FANCA: variants seen among roughly 807,000 people sequenced by gnomAD.
FANCA encodes the protein FA complementation group A.
A neutral mutation model predicts 194.3 loss-of-function variants in FANCA; 236 were observed. That is an observed-to-expected ratio of 1.21 (90% CI 1.09 to 1.35). The LOEUF (loss-of-function observed/expected upper bound fraction) is 1.35, where lower values mean the gene tolerates loss of function less well. Ranked by LOEUF, FANCA falls within the 40% of genes most tolerant of loss-of-function variation. FANCA has a pLI of 0.00. For synonymous variants in FANCA, 1,014 were observed against 715.8 expected (o/e 1.42, Z -6.65); for missense variants, 2,628 against 1,813.9 (o/e 1.45, Z -8.15).
At chr16:89,781,332 C>A (rs2039694011) in intron 17 of FANCA, among the ~76,000 whole-genome samples, 1 of 138,806 alleles carries the variant, frequency 7.2e-6, no homozygotes, top group South Asian at 2.3e-4. Flanking sequence ...CCACTGCACT[C>A]CAGCCTGGGC....
intron 35 of FANCA, among the ~76,000 whole-genome samples, chr16:89,746,041 G>C (rs1483028790): frequency 2.6e-5 from 4 of 152,162 alleles, no homozygotes; most frequent in African/African-American, 9.6e-5. Context: ...GACAGCTGTG[G>C]TCTTCAGGAC....
rs755804804 is a variant in FANCA at position 89,805,411 on chromosome 16, G to A, written c.597-19C>T. 2.5e-6 allele frequency: 4 copies of A among 1,582,578 alleles called. No individual in the cohort carries two copies. Among genetic ancestry groups the A allele is most frequent in the Middle Eastern group, 1.7e-4 (1 of 5,996 alleles). On this transcript the variant is annotated intron_variant, in intron 6 of 42. Coordinates refer to ENST00000389301, the MANE Select transcript of FANCA (RefSeq NM_000135.4). ...GGGATGGCTGGAGACACACACAGAG[G>A]CAGACGTAAGGCTCAACTAAATCCC... is the stretch of plus-strand genomic sequence containing the variant.
At chr16:89,746,118 AGGGG>A (rs1358562212) in intron 35 of FANCA, among the ~76,000 whole-genome samples, 2 of 152,138 alleles carry the variant, frequency 1.3e-5, no homozygotes, top group Non-Finnish European at 2.9e-5. Flanking sequence ...CTGGGCTGCT[AGGGG>A]AGCCTGCTGA....
intron 14 of FANCA, among the ~76,000 whole-genome samples, chr16:89,786,452 C>T (rs926955041): frequency 1.3e-5 from 2 of 152,160 alleles, no homozygotes; most frequent in South Asian, 2.1e-4. Context: ...GCTGGGATTA[C>T]AGACATGAGC....
At chr16:89,802,430 G>T (rs1002973791) in intron 8 of FANCA, among the ~76,000 whole-genome samples, 3 of 151,326 alleles carry the variant, frequency 2.0e-5, no homozygotes, top group African/African-American at 7.3e-5. Context: ...TTCTGAGATG[G>T]AGTCTCTGTC....
At chr16:89,798,789 AGAAATGT>A (rs1381980444) in intron 10 of FANCA, 1 of 1,422,898 alleles carries the variant, frequency 7.0e-7, no homozygotes. Context: ...AGTGTGTTCT[AGAAATGT>A]GGGGGGCTGA....
intron 21 of FANCA, among the ~76,000 whole-genome samples, chr16:89,774,744 A>AAAAAT (rs1388195624): frequency 4.8e-5 from 7 of 146,010 alleles, no homozygotes; most frequent in African/African-American, 1.5e-4. Flanking sequence ...AAAAAAAAAA[A>AAAAAT]AAAAAAAAAA....
chr16:89,751,920 G>A (rs536951040), intron 31 of FANCA, among the ~76,000 whole-genome samples: 14 of 151,868 alleles, frequency 9.2e-5, no homozygotes, highest in Non-Finnish European at 1.6e-4. Flanking sequence ...ACAGGTGCCC[G>A]CCACCACGCC....
intron 14 of FANCA, among the ~76,000 whole-genome samples, chr16:89,788,435 CAAAAACAAAA>C (rs1289919659): frequency 2.0e-5 from 3 of 151,016 alleles, no homozygotes; most frequent in African/African-American, 7.3e-5. Flanking sequence ...GACTCCATCT[CAAAAACAAAA>C]CAAAACATAA....
Position 89,816,607 on chromosome 16 carries a change from G to T in FANCA, c.9C>A (p.Asp3Glu). MSDSWVPNSASGQ... is the reference protein window; with the variant it reads MSESWVPNSASGQ... ...CCGAGGCGGAGTTCGGGACCCACGA[G>T]TCGGACATGGCCTTGGCGCCTACAG... Residue 3 changes from aspartate (D) to glutamate (E), a missense_variant, in exon 1 of 43, where the codon GAC becomes GAA. Asp to Glu is a conservative substitution (Grantham distance 45). Transcript: ENST00000389301. 2 of 1,525,990 alleles carry T rather than the reference G, an allele frequency of 1.3e-6. No individual in the cohort carries two copies. Among genetic ancestry groups the T allele is most frequent in the East Asian group, 2.5e-5 (1 of 39,480 alleles). 94.5% of individuals were successfully genotyped at this position (1,525,990 alleles called of 1,614,324 possible). A position where few individuals can be genotyped will look rare whatever the true frequency, so the allele number is the denominator to read the frequency against.
intron 14 of FANCA, among the ~76,000 whole-genome samples, chr16:89,785,220 G>A (rs1411195324): frequency 6.6e-6 from 1 of 152,204 alleles, no homozygotes; most frequent in African/African-American, 2.4e-5. Flanking sequence ...ATTTACAGAT[G>A]TCACGACTGC....
At chr16:89,750,489 AAAC>A (rs372362778) in intron 31 of FANCA, among the ~76,000 whole-genome samples, 3,351 of 106,172 alleles carry the variant, frequency 0.032, 114 homozygotes, top group African/African-American at 0.086. Context: ...TCTCAAAAAA[AAAC>A]AAACAAAAAA....
intron 17 of FANCA, among the ~76,000 whole-genome samples, chr16:89,780,808 T>G (rs1411040534): frequency 1.3e-5 from 2 of 151,824 alleles, no homozygotes; most frequent in African/African-American, 4.8e-5. Flanking sequence ...CGCACACTTG[T>G]ACTCCCAGTT....
intron 31 of FANCA, 65 bp from the exon 32 acceptor site, chr16:89,749,967 C>A (rs942212666): frequency 2.5e-6 from 4 of 1,580,278 alleles, no homozygotes; most frequent in Non-Finnish European, 3.5e-6. Context: ...AGTCGGGGAC[C>A]CAGACGTCAG....
intron 11 of FANCA, among the ~76,000 whole-genome samples, chr16:89,793,760 TA>T (rs1463193211): frequency 3.9e-5 from 6 of 151,986 alleles, no homozygotes; most frequent in Non-Finnish European, 7.4e-5. Context: ...TTTGTATTTT[TA>T]TTTTTTTGAT....
intron 23 of FANCA, among the ~76,000 whole-genome samples, chr16:89,771,311 T>C (rs1472941799): frequency 1.3e-5 from 2 of 151,496 alleles, no homozygotes; most frequent in Non-Finnish European, 2.9e-5. Flanking sequence ...ATGCAGAAAT[T>C]AGCCGGGTGT....
chr16:89,747,218 A>T (rs1209415381), intron 33 of FANCA, among the ~76,000 whole-genome samples: 1 of 152,220 alleles, frequency 6.6e-6, no homozygotes, highest in African/African-American at 2.4e-5. Context: ...GGACGACACT[A>T]ATACCAAGGG....
intron 8 of FANCA, among the ~76,000 whole-genome samples, chr16:89,801,159 C>T (rs1413822084): frequency 6.6e-6 from 1 of 151,668 alleles, no homozygotes; most frequent in African/African-American, 2.4e-5. Flanking sequence ...GCCTGACCAA[C>T]ACTGTGAAAG....
Position 89,816,616 on chromosome 16 carries a change from G to T in FANCA, c.-1C>A, listed in dbSNP as rs373787342. ...AGTTCGGGACCCACGAGTCGGACAT[G>T]GCCTTGGCGCCTACAGCCCCGGCGG... On this transcript the variant is annotated 5_prime_UTR_variant, in exon 1 of 43. Coordinates refer to ENST00000389301, the MANE Select transcript of FANCA (RefSeq NM_000135.4). The T allele has an allele frequency of 2.6e-5, 40 of 1,523,508 alleles. No individual in the cohort carries two copies. Among genetic ancestry groups the T allele is most frequent in the Non-Finnish European group, 3.5e-5 (40 of 1,143,368 alleles). The allele number at this position is 1,523,508 out of a possible 1,614,324, so 94.4% of individuals were successfully genotyped here. A position where few individuals can be genotyped will look rare whatever the true frequency, so the allele number is the denominator to read the frequency against.
Sources: gnomAD v4.1 joint callset for allele counts (sites outside exome capture counted in the v4.1 genomes callset) on GRCh38, gnomAD v4.1.1 for gene constraint, MANE v1.5 for transcripts, NCBI Gene and HGNC (gene_info 2026-07-23, HGNC 2026-07-21) for gene names.